The following BLK variants were observed in gnomAD, a reference collection of about 807,000 sequenced individuals.
BLK encodes tyrosine-protein kinase Blk.
In BLK, 64 loss-of-function variants were observed where a neutral mutation model predicts 61.8. The ratio of observed to expected loss-of-function variants is 1.03; its 90% CI spans 0.85 to 1.27. The LOEUF (loss-of-function observed/expected upper bound fraction) is 1.27. Ranked by LOEUF, BLK falls within the 50% of genes most tolerant of loss-of-function variation. The pLI is 0.00. For synonymous variants in BLK, 351 were observed against 272.0 expected, an observed-to-expected ratio of 1.29 and a Z score of -2.86; for missense variants, 853 against 660.5, an observed-to-expected ratio of 1.29 and a Z score of -3.19.
chr8:11,545,859 G>GGGAAAAA, intron 2 of BLK, 193 bp from the exon 3 acceptor site: 1 of 687,966 alleles, frequency 1.5e-6, no homozygotes, highest in Non-Finnish European at 2.6e-6. Context: ...GCAGCAGAGG[G>GGGAAAAA]CGGGGGTCTG....
intron 9 of BLK, 108 bp downstream of exon 9, chr8:11,556,945 G>C (rs756193190): frequency 5.1e-6 from 5 of 987,806 alleles, no homozygotes; most frequent in Non-Finnish European, 7.0e-6. Context: ...GGGTCCTGCA[G>C]ATCTAGGGCA....
In BLK at chr8:11,545,767, C is replaced by A; in HGVS notation, c.124-285C>A. 4 of 485,024 alleles carry A rather than the reference C, an allele frequency of 8.2e-6. 1 individual carries two copies. The South Asian group carries it at 1.1e-4, about 13-fold the overall frequency. 30.0% of individuals were successfully genotyped at this position (485,024 alleles called of 1,614,324 possible). On this transcript the variant is annotated intron_variant, in intron 2 of 12. Coordinates refer to ENST00000259089, the MANE Select transcript of BLK (RefSeq NM_001715.3). ...GTAATGGTAGAGCCAGGATGTTAAG[C>A]CCAAGTGGTTGGGCTTTCCCTCATT...
chr8:11,544,025 G>T (rs1005278230), intron 2 of BLK, among the ~76,000 whole-genome samples: 5 of 151,650 alleles, frequency 3.3e-5, no homozygotes, highest in African/African-American at 1.2e-4. Context: ...TGCAGTGGTG[G>T]GACCTTGGCT....
At chr8:11,524,622 G>A (rs1016515933) in intron 1 of BLK, among the ~76,000 whole-genome samples, 2 of 152,174 alleles carry the variant, frequency 1.3e-5, no homozygotes, top group African/African-American at 4.8e-5. Context: ...CCACTTGTGG[G>A]ATTTTTAACC....
intron 1 of BLK, among the ~76,000 whole-genome samples, chr8:11,496,759 G>C (rs544829856): frequency 6.6e-6 from 1 of 152,228 alleles, no homozygotes; most frequent in Admixed American, 6.5e-5. Flanking sequence ...ATTCCAGCCA[G>C]GAATCTGCCG....
Position 11,556,648 on chromosome 8 carries a change from C to T in BLK, c.773-10C>T, listed in dbSNP as rs1801242665. On this transcript the variant is annotated splice_polypyrimidine_tract_variant and intron_variant, in intron 8 of 12. Transcript: ENST00000259089. ...TCTTCTGATTGGCTTCTTCACTCCC[C>T]CGGGCTCAGGTTACTACAAAAACAA... 1 of 1,614,126 alleles carries T rather than the reference C, an allele frequency of 6.2e-7. No individual in the cohort carries two copies. The highest frequency in any genetic ancestry group is 1.7e-5 in the Admixed American group (1 of 60,018).
intron 1 of BLK, among the ~76,000 whole-genome samples, chr8:11,538,802 C>A (rs1380599017): frequency 6.6e-6 from 1 of 152,220 alleles, no homozygotes; most frequent in African/African-American, 2.4e-5. Context: ...GCAGCCCTGG[C>A]TGGCCACTTA....
chr8:11,538,225 T>C (rs1170255342), intron 1 of BLK, among the ~76,000 whole-genome samples: 1 of 152,060 alleles, frequency 6.6e-6, no homozygotes, highest in African/African-American at 2.4e-5. Context: ...CTCACACCCT[T>C]CCCACAATGC....
intron 1 of BLK, among the ~76,000 whole-genome samples, chr8:11,514,527 G>A (rs1799148144): frequency 6.6e-6 from 1 of 152,218 alleles, no homozygotes; most frequent in Non-Finnish European, 1.5e-5. Context: ...TGAGCAGTGA[G>A]GGGAACAGCT....
intron 1 of BLK, among the ~76,000 whole-genome samples, chr8:11,536,840 T>A (rs771843578): frequency 5.3e-5 from 8 of 152,240 alleles, no homozygotes; most frequent in Non-Finnish European, 1.0e-4. Flanking sequence ...TTTGCTGAGC[T>A]CACAAAACAC....
intron 1 of BLK, among the ~76,000 whole-genome samples, chr8:11,507,645 A>G (rs543428845): frequency 6.6e-6 from 1 of 152,356 alleles, no homozygotes; most frequent in East Asian, 1.9e-4. Context: ...CCAATGGACC[A>G]GCTTGGGGGT....
intron 1 of BLK, among the ~76,000 whole-genome samples, chr8:11,528,142 T>G (rs1585361250): frequency 6.6e-6 from 1 of 152,108 alleles, no homozygotes; most frequent in African/African-American, 2.4e-5. Flanking sequence ...GCTCAGGTGA[T>G]CCTCCCACCT....
rs1374268865 is a variant in BLK at position 11,556,886 on chromosome 8, G to A, written c.952+49G>A. ...TCCTCAGAGCGAGGCGGGAGGGCCG[G>A]GCTTAGCAGGAGGAGGAGGGTCCGC... On this transcript the variant is annotated intron_variant, in intron 9 of 12. Transcript: ENST00000259089. 2.5e-6 allele frequency: 4 copies of A among 1,598,442 alleles called. No homozygotes were observed. In the East Asian group the frequency reaches 6.8e-5, roughly 27 times the overall value.
In BLK at chr8:11,543,362, A is replaced by AC; in HGVS notation, c.123+20dup. On this transcript the variant is annotated intron_variant, in intron 2 of 12. Coordinates refer to ENST00000259089, the MANE Select transcript of BLK (RefSeq NM_001715.3). ...TGCCGCCCCTGGTGAGTGATTGCCC[A>AC]CCCCCACCAAGAGCAGATTACTTAC... The AC allele has an allele frequency of 1.2e-6, 2 of 1,611,650 alleles. No individual in the cohort carries two copies. The highest frequency in any genetic ancestry group is 1.7e-6 in the Non-Finnish European group (2 of 1,179,854).
intron 1 of BLK, among the ~76,000 whole-genome samples, chr8:11,519,182 T>C (rs1227649583): frequency 6.6e-6 from 1 of 152,192 alleles, no homozygotes. Context: ...TCAAAAGTTC[T>C]TGTTCAGGGG....
At chr8:11,561,611 T>C (rs1404450970) in intron 11 of BLK, among the ~76,000 whole-genome samples, 159 bp downstream of exon 11, 4 of 152,100 alleles carry the variant, frequency 2.6e-5, no homozygotes, top group Admixed American at 6.6e-5. Context: ...TTTACCCAAA[T>C]GTGTTCAGCA....
intron 1 of BLK, among the ~76,000 whole-genome samples, chr8:11,537,320 C>G (rs149743366): frequency 3.9e-5 from 6 of 152,042 alleles, no homozygotes; most frequent in African/African-American, 1.5e-4. Flanking sequence ...GATCTCATGC[C>G]GGCAGCTAGC....
Position 11,550,309 on chromosome 8 carries a change from G to C in BLK, c.472+47G>C, listed in dbSNP as rs371289373. The stretch of plus-strand genomic sequence containing the variant: ...GCCTTCCTTGCCCTGCTCCTCCCGG[G>C]AAGGCGCCTCCAGAGGCCTGGCCCT... On this transcript the variant is annotated intron_variant, in intron 6 of 12. Coordinates refer to ENST00000259089, the MANE Select transcript of BLK (RefSeq NM_001715.3). 49 of 1,582,290 alleles carry C rather than the reference G, an allele frequency of 3.1e-5. No homozygotes were observed. In the African/African-American group the frequency reaches 5.8e-4, roughly 19 times the overall value.
chr8:11,547,926 T>C (rs1307804051), intron 3 of BLK, 106 bp from the exon 4 acceptor site: 3 of 983,920 alleles, frequency 3.0e-6, no homozygotes, highest in South Asian at 1.3e-5. Context: ...ATCATTTCCA[T>C]CGTGGGCAAG....
Sources: allele counts gnomAD v4.1 joint callset (sites outside exome capture counted in the v4.1 genomes callset), GRCh38; gene constraint gnomAD v4.1.1; transcripts MANE v1.5; gene names NCBI Gene and HGNC (gene_info 2026-07-23, HGNC 2026-07-21).